The following DAB1 variants were observed in gnomAD, a reference collection of about 807,000 sequenced individuals.
DAB1 encodes the protein disabled homolog 1.
A neutral mutation model predicts 64.6 loss-of-function variants in DAB1; 15 were observed. The ratio of observed to expected loss-of-function variants is 0.23; its 90% CI spans 0.16 to 0.36. DAB1 has a LOEUF of 0.36. Among genes scored for constraint, DAB1 ranks in the 10% least tolerant of loss-of-function variants. The pLI is 1.00. For synonymous variants in DAB1, 235 were observed against 251.9 expected (o/e 0.93, Z 0.64); for missense variants, 596 against 706.7 (o/e 0.84, Z 1.78).
intron 2 of DAB1, among the ~76,000 whole-genome samples, chr1:57,179,424 C>A (rs1662677865): frequency 6.6e-6 from 1 of 152,188 alleles, no homozygotes; most frequent in African/African-American, 2.4e-5. Flanking sequence ...CAGGGAGGGA[C>A]AACAATAGGT....
intron 3 of DAB1, among the ~76,000 whole-genome samples, chr1:58,354,045 G>A (rs1439921313): frequency 6.6e-6 from 1 of 152,086 alleles, no homozygotes; most frequent in Non-Finnish European, 1.5e-5. Context: ...AATATTTACT[G>A]AGGCTCTAGT....
chr1:57,518,570 G>A (rs1644489433), intron 7 of DAB1, among the ~76,000 whole-genome samples: 1 of 151,884 alleles, frequency 6.6e-6, no homozygotes, highest in Non-Finnish European at 1.5e-5. Flanking sequence ...TTTTTTTCAT[G>A]TGTGACTTCT....
intron 4 of DAB1, among the ~76,000 whole-genome samples, chr1:58,313,777 C>T (rs1156401082): frequency 1.3e-5 from 2 of 150,582 alleles, no homozygotes; most frequent in Admixed American, 6.6e-5. Flanking sequence ...GGTTAGGGCC[C>T]TCTTCTTGGT....
rs181365572 is a variant in DAB1, at chr1:58,458,920, T to C, written n.257+47140A>G. ...TTAACCTCTCTGAGCCTCAGTTTCCTCATTATATAAGGATATTCATATGGT... is the reference window on the plus strand; with the variant it reads ...TTAACCTCTCTGAGCCTCAGTTTCCCCATTATATAAGGATATTCATATGGT... On this transcript the variant is annotated intron_variant and non_coding_transcript_variant, in intron 3 of 20. Coordinates refer to the DAB1 transcript ENST00000485760. 3.3e-5 allele frequency among the ~76,000 whole-genome samples: 5 copies of C among 152,322 alleles called. No homozygotes were observed. The East Asian group carries it at 9.6e-4, about 29-fold the overall frequency.
At chr1:57,693,127 G>A (rs1246292590) in intron 6 of DAB1, among the ~76,000 whole-genome samples, 1 of 152,122 alleles carries the variant, frequency 6.6e-6, no homozygotes, top group Admixed American at 6.5e-5. Flanking sequence ...AGGGCCCCTG[G>A]ACTGATCCAC....
intron 6 of DAB1, among the ~76,000 whole-genome samples, chr1:57,717,616 C>T (rs943742389): frequency 6.6e-5 from 10 of 152,096 alleles, no homozygotes; most frequent in African/African-American, 2.4e-4. Flanking sequence ...GATATCTGCA[C>T]CTCCGTGTTT....
intron 7 of DAB1, among the ~76,000 whole-genome samples, chr1:57,484,311 G>C (rs952615707): frequency 6.6e-6 from 1 of 152,224 alleles, no homozygotes; most frequent in South Asian, 2.1e-4. Context: ...GATGTGTTTT[G>C]TGCCAGGGGA....
intron 4 of DAB1, among the ~76,000 whole-genome samples, chr1:58,301,820 C>G (rs1346593853): frequency 1.3e-5 from 2 of 152,112 alleles, no homozygotes; most frequent in African/African-American, 4.8e-5. Context: ...TCTTACTGTA[C>G]CTCAGATCCT....
chr1:58,016,376 C>T (rs1352399903), intron 5 of DAB1, among the ~76,000 whole-genome samples: 1 of 152,096 alleles, frequency 6.6e-6, no homozygotes, highest in Non-Finnish European at 1.5e-5. Flanking sequence ...TTTAAGTAAT[C>T]CTGAGTCAGT....
chr1:57,632,594 G>T (rs1004392343), intron 7 of DAB1, among the ~76,000 whole-genome samples: 3 of 152,180 alleles, frequency 2.0e-5, no homozygotes, highest in Non-Finnish European at 2.9e-5. Context: ...ACAGAGGAAG[G>T]TTGGGGTGGA....
intron 9 of DAB1, among the ~76,000 whole-genome samples, chr1:57,054,627 G>A (rs984994428): frequency 2.6e-5 from 4 of 151,784 alleles, no homozygotes; most frequent in African/African-American, 2.4e-5. Flanking sequence ...GCAGGTACCC[G>A]CCACCACGCC....
rs1652795702 is a variant in DAB1 at position 57,083,815 on chromosome 1, A to G, written c.307-11401T>C. Among the ~76,000 whole-genome samples the G allele has an allele frequency of 2.6e-5, 4 of 152,326 alleles. No homozygotes were observed. In the South Asian group the frequency reaches 8.3e-4, roughly 32 times the overall value. On this transcript the variant is annotated intron_variant, in intron 4 of 14. Transcript: ENST00000371236. ...TGAGGTAAGGCATGATTTGGAGTAG[A>G]CACAGGTCAGCATCTGAAACCCACA...
In DAB1 at chr1:58,064,717, G is replaced by GTATT. The variant is rs919250636; in HGVS notation, n.387+85790_387+85793dup. Among the ~76,000 whole-genome samples the GTATT allele has an allele frequency of 2.2e-4, 22 of 99,412 alleles. No individual in the cohort carries two copies. The South Asian group carries it at 3.8e-3, about 17-fold the overall frequency. The allele number at this position is 99,412 out of a possible 152,430, so 65.2% of individuals were successfully genotyped here. A position where few individuals can be genotyped will look rare whatever the true frequency, so the allele number is the denominator to read the frequency against. On this transcript the variant is annotated intron_variant and non_coding_transcript_variant, in intron 5 of 20. Coordinates refer to the DAB1 transcript ENST00000485760. The stretch of plus-strand genomic sequence containing the variant: ...TTTATGTATTTATTTATGTATTTAT[G>GTATT]TATTTATTTATTTATTTATTTTGAG...
At chr1:57,152,706 T>G (rs1375512754) in intron 2 of DAB1, among the ~76,000 whole-genome samples, 1 of 152,348 alleles carries the variant, frequency 6.6e-6, no homozygotes, top group African/African-American at 2.4e-5. Context: ...CGATGATATT[T>G]ATGAATAGTT....
At chr1:57,648,815 G>A (rs1349885875) in intron 7 of DAB1, among the ~76,000 whole-genome samples, 1 of 152,192 alleles carries the variant, frequency 6.6e-6, no homozygotes, top group Non-Finnish European at 1.5e-5. Context: ...ATTTAAGGGG[G>A]GTTAGGGGTA....
At chr1:57,192,575 A>T (rs1664239788) in intron 2 of DAB1, among the ~76,000 whole-genome samples, 1 of 152,296 alleles carries the variant, frequency 6.6e-6, no homozygotes, top group South Asian at 2.1e-4. Flanking sequence ...CATCACCATC[A>T]GCAACATCCT....
chr1:58,232,158 A>G (rs1468734680), intron 4 of DAB1, among the ~76,000 whole-genome samples: 1 of 152,208 alleles, frequency 6.6e-6, no homozygotes, highest in East Asian at 1.9e-4. Flanking sequence ...AAGCCAAAAT[A>G]CCTGACAGGT....
chr1:57,921,394 A>T (rs902246965), intron 5 of DAB1, among the ~76,000 whole-genome samples: 2 of 152,078 alleles, frequency 1.3e-5, no homozygotes, highest in African/African-American at 4.8e-5. Context: ...TACCAGGAGG[A>T]TGTGTTCCTT....
chr1:58,278,242 G>GAAAGAGAAGTTGATTTGTGAAAAATTCT (rs1569595872), intron 4 of DAB1, among the ~76,000 whole-genome samples: 6 of 7,444 alleles, frequency 8.1e-4, no homozygotes, highest in South Asian at 4.4e-3. Flanking sequence ...TCCTACACAC[G>GAAAGAGAAGTTGATTTGTGAAAAATTCT]CATACTGTCT....
Sources: gnomAD v4.1 joint callset for allele counts (sites outside exome capture counted in the v4.1 genomes callset) on GRCh38, gnomAD v4.1.1 for gene constraint, MANE v1.5 for transcripts, NCBI Gene and HGNC (gene_info 2026-07-23, HGNC 2026-07-21) for gene names.